ADCY3: variants seen among roughly 807,000 people sequenced by gnomAD.
The protein encoded by ADCY3 is adenylate cyclase type 3.
Under a neutral mutation model 119.4 loss-of-function variants are expected in ADCY3, and 70 were observed. That is an observed-to-expected ratio of 0.59 (90% CI 0.48 to 0.72). The LOEUF is 0.72. Among genes scored for constraint, ADCY3 ranks in the 30% least tolerant of loss-of-function variants. ADCY3 has a pLI of 0.00. For synonymous variants in ADCY3, 672 were observed against 621.4 expected (o/e 1.08, Z -1.21); for missense variants, 1,238 against 1,541.6 (o/e 0.80, Z 3.30).
intron 2 of ADCY3, among the ~76,000 whole-genome samples, chr2:24,883,657 A>G (rs890849789): frequency 6.6e-6 from 1 of 152,220 alleles, no homozygotes; most frequent in African/African-American, 2.4e-5. Flanking sequence ...CATTTATCAC[A>G]CAGATCACCT....
intron 2 of ADCY3, among the ~76,000 whole-genome samples, chr2:24,900,471 G>A (rs541263026): frequency 1.3e-5 from 2 of 152,074 alleles, no homozygotes; most frequent in African/African-American, 2.4e-5. Context: ...AATCTTAAAT[G>A]TATAGCTACA....
chr2:24,822,173 C>G (rs147123606), intron 19 of ADCY3: 4 of 217,488 alleles, frequency 1.8e-5, no homozygotes, highest in Non-Finnish European at 3.7e-5. Context: ...AACAGGCTGC[C>G]GTCAGCCAGA....
At chr2:24,915,028 C>T (rs1664280700) in intron 2 of ADCY3, among the ~76,000 whole-genome samples, 1 of 152,222 alleles carries the variant, frequency 6.6e-6, no homozygotes, top group Admixed American at 6.5e-5. Context: ...GCCAACAGCC[C>T]CATGTGTACC....
rs13404646 is a variant in ADCY3 at position 24,849,925 on chromosome 2, G to A, written c.826-7541C>T. On this transcript the variant is annotated intron_variant, in intron 3 of 21. Transcript: ENST00000679454. ...TATCTGGATGTCCTCTAAGCTGTGC[G>A]ACACCATTGCCCAGCACCCTCAGTG... 4.0e-3 allele frequency among the ~76,000 whole-genome samples: 616 copies of A among 152,208 alleles called. 5 individuals carry two copies. Among genetic ancestry groups the A allele is most frequent in the African/African-American group, 0.014 (561 of 41,530 alleles).
chr2:24,824,305 G>A (rs546293731), intron 17 of ADCY3, 73 bp downstream of exon 17: 48 of 1,567,984 alleles, frequency 3.1e-5, no homozygotes, highest in South Asian at 2.4e-4. Context: ...TGGGCCCAGC[G>A]GGGGCTGCCT....
At chr2:24,828,664 C>T (rs933309457) in intron 13 of ADCY3, among the ~76,000 whole-genome samples, 5 of 152,226 alleles carry the variant, frequency 3.3e-5, no homozygotes, top group South Asian at 2.1e-4. Context: ...TGGGCAGATG[C>T]GGCCGGGAGA....
intron 18 of ADCY3, among the ~76,000 whole-genome samples, chr2:24,822,871 C>T (rs747658762): frequency 1.3e-5 from 2 of 152,160 alleles, no homozygotes; most frequent in Admixed American, 6.5e-5. Context: ...GGGGGCTCCG[C>T]GCGTGTGTAA....
At chr2:24,870,324 A>C (rs1572943318) in intron 3 of ADCY3, among the ~76,000 whole-genome samples, 1 of 68,686 alleles carries the variant, frequency 1.5e-5, no homozygotes, top group Admixed American at 1.1e-4. Context: ...TCCATGTCAA[A>C]AAAAAAAAAA....
chr2:24,880,337 C>T (rs1379535013), intron 2 of ADCY3, among the ~76,000 whole-genome samples: 1 of 152,206 alleles, frequency 6.6e-6, no homozygotes, highest in Admixed American at 6.5e-5. Context: ...CTTCCCCAGA[C>T]ACGGAACATG....
At chr2:24,868,593 C>T (rs544651530) in intron 3 of ADCY3, among the ~76,000 whole-genome samples, 87 of 152,042 alleles carry the variant, frequency 5.7e-4, no homozygotes, top group Non-Finnish European at 1.1e-3. Flanking sequence ...TAGACTGCGC[C>T]ACTGAACTCC....
chr2:24,919,994 G>T lies in ADCY3; in HGVS notation c.-509C>A, dbSNP rs2149103967. ...TGAGGCTCAGGGGCAGGGGCCGTGC[G>T]GGGGCCGGCAGGCGCGGGCGGCGGC... On this transcript the variant is annotated 5_prime_UTR_variant, in exon 1 of 22. Coordinates refer to ENST00000679454, the MANE Select transcript of ADCY3 (RefSeq NM_004036.5). The surrounding 1 kb of genome is among the most constrained non-coding windows in gnomAD (Gnocchi z 5.5). 6.7e-6 allele frequency among the ~76,000 whole-genome samples: 1 copy of T among 148,238 alleles called. No homozygotes were observed. The highest frequency in any genetic ancestry group is 1.5e-5 in the Non-Finnish European group (1 of 66,436).
chr2:24,827,904 G>T lies in ADCY3; in HGVS notation c.2430C>A (p.His810Gln). Reference protein sequence around the residue: ...DEYDHKRFREHDLPMVALEQM... With the variant: ...DEYDHKRFREQDLPMVALEQM... ...TCCCCAGTCACGCTTCATCTTACTC[G>T]TGCTCCCGAAAACGCTTGTGGTCGT... Residue 810 changes from histidine (H) to glutamine (Q), a missense_variant and splice_region_variant, in exon 14 of 22, where the codon CAC (histidine) becomes CAA (glutamine). His to Gln is a conservative substitution (Grantham distance 24, BLOSUM62 0). Coordinates refer to ENST00000679454, the MANE Select transcript of ADCY3 (RefSeq NM_004036.5). 1 of 1,613,982 alleles carries T rather than the reference G, an allele frequency of 6.2e-7. No individual in the cohort carries two copies. The highest frequency in any genetic ancestry group is 8.5e-7 in the Non-Finnish European group (1 of 1,179,958).
intron 11 of ADCY3, among the ~76,000 whole-genome samples, 183 bp from the exon 12 acceptor site, chr2:24,831,932 TGGCCAGGGGACAGCAGACAGGGGCAGG>T (rs1669595963): frequency 2.4e-5 from 2 of 83,082 alleles, no homozygotes; most frequent in Non-Finnish European, 4.6e-5. Flanking sequence ...CAGCGGACAG[TGGCCAGGGGACAGCAGACAGGGGCAGG>T]GGCCAGGGGG....
intron 17 of ADCY3, 125 bp from the exon 18 acceptor site, chr2:24,823,480 G>T: frequency 2.3e-5 from 20 of 858,202 alleles, no homozygotes; most frequent in Non-Finnish European, 3.2e-5. Flanking sequence ...ACATCAGTCA[G>T]ATTATTCCAG....
intron 14 of ADCY3, 147 bp from the exon 15 acceptor site, chr2:24,827,755 G>A (rs1410357550): frequency 1.4e-6 from 2 of 1,420,570 alleles, no homozygotes; most frequent in African/African-American, 1.4e-5. Flanking sequence ...ATACGTCTGT[G>A]AGCAGCCAGG....
At position 24,899,030 on chromosome 2, in the gene ADCY3, T is replaced by A. The variant is rs140572592; in HGVS notation, c.675+19283A>T. ...CTCCACTGTCCCCTCATGCCCCTTG[T>A]CACCCTGAATCCCGGTGTCACTGGC... On this transcript the variant is annotated intron_variant, in intron 2 of 21. Transcript: ENST00000679454. This position sits in a 1 kb window ranked among gnomAD's most constrained non-coding sequence, Gnocchi z 4.5. Among the ~76,000 whole-genome samples the A allele has an allele frequency of 1.7e-3, 254 of 152,232 alleles. No individual in the cohort carries two copies. Among genetic ancestry groups the A allele is most frequent in the African/African-American group, 5.7e-3 (238 of 41,548 alleles).
chr2:24,902,911 G>A (rs1679068717), intron 2 of ADCY3, among the ~76,000 whole-genome samples: 2 of 152,142 alleles, frequency 1.3e-5, no homozygotes, highest in South Asian at 4.2e-4. Flanking sequence ...CATATTTGTG[G>A]TCCCAGGTAC....
At chr2:24,849,331 G>A (rs891859483) in intron 3 of ADCY3, among the ~76,000 whole-genome samples, 4 of 152,266 alleles carry the variant, frequency 2.6e-5, no homozygotes, top group East Asian at 1.9e-4. Flanking sequence ...TATGGCTGGG[G>A]TCTCGGAGAC....
At position 24,899,545 on chromosome 2, in the gene ADCY3, C is replaced by G. The variant is rs1014346331; in HGVS notation, c.675+18768G>C. ...AGCAAGCAGAAGCAGCTTGCTAGAC[C>G]AGCCCTGACTCTTCCTCAGCTCGAG... On this transcript the variant is annotated intron_variant, in intron 2 of 21. Transcript: ENST00000679454. The surrounding 1 kb of genome is among the most constrained non-coding windows in gnomAD (Gnocchi z 4.5). Among the ~76,000 whole-genome samples the G allele has an allele frequency of 2.6e-5, 4 of 152,174 alleles. No homozygotes were observed. The highest frequency in any genetic ancestry group is 9.7e-5 in the African/African-American group (4 of 41,434).
Sources: gnomAD v4.1 joint callset for allele counts (sites outside exome capture counted in the v4.1 genomes callset) on GRCh38, gnomAD v4.1.1 for gene constraint, Gnocchi (gnomAD v3.1) non-coding constraint, MANE v1.5 for transcripts, NCBI Gene and HGNC (gene_info 2026-07-23, HGNC 2026-07-21) for gene names.